COL4A2: variants seen among roughly 807,000 people sequenced by gnomAD.
COL4A2 encodes collagen type IV alpha 2 chain, also known as collagen alpha-2(IV) chain.
Under a neutral mutation model 200.2 loss-of-function variants are expected in COL4A2, and 99 were observed. The observed-to-expected ratio is 0.49, with a 90% confidence interval of 0.42 to 0.58. COL4A2 has a LOEUF of 0.58. Ranked by LOEUF, COL4A2 falls within the 20% of genes least tolerant of loss-of-function variation. COL4A2 has a pLI of 0.00. For synonymous variants in COL4A2, 897 were observed against 900.6 expected (o/e 1.00, Z 0.07); for missense variants, 1,950 against 2,314.1 (o/e 0.84, Z 3.23).
In COL4A2 at chr13:110,446,843, C is replaced by T; in HGVS notation, c.1057C>T (p.Pro353Ser). ...PGPPGLPAYS[P>S]HPSLAKGARG... is the part of the protein sequence containing the mutation. ...GCCCCCTGGACTACCTGCCTACTCC[C>T]CTCACCCTTCCCTAGCAAAAGGTGT... The change falls in exon 18 of 48, where the codon CCT becomes TCT. Residue 353 changes from proline to serine, a missense_variant. Around this residue, in one of 2 missense-constraint regions of COL4A2, gnomAD observed 565 missense variants for 593.5 expected, o/e 0.95. Coordinates refer to ENST00000360467, the MANE Select transcript of COL4A2 (RefSeq NM_001846.4). 6.2e-7 allele frequency: 1 copy of T among 1,612,372 alleles called. No homozygotes were observed. Among genetic ancestry groups the T allele is most frequent in the South Asian group, 1.1e-5 (1 of 91,014 alleles).
At chr13:110,466,894 A>T in intron 26 of COL4A2, 146 bp from the exon 27 acceptor site, 1 of 994,616 alleles carries the variant, frequency 1.0e-6, no homozygotes. Flanking sequence ...CATCAGAACC[A>T]AGATGAATTA....
At position 110,357,530 on chromosome 13, in the gene COL4A2, G is replaced by A. The variant is rs1189244987; in HGVS notation, c.158G>A (p.Cys53Tyr). The A allele has an allele frequency of 1.3e-6, 2 of 1,588,564 alleles. No homozygotes were observed. The highest frequency in any genetic ancestry group is 3.4e-5 in the Admixed American group (2 of 58,012). Residue 53 changes from cysteine (C) to tyrosine (Y), a missense_variant, in exon 4 of 48, where the codon TGC becomes TAC. Cys to Tyr is a radical substitution (Grantham distance 194). Around this residue, in one of 2 missense-constraint regions of COL4A2, gnomAD observed 565 missense variants for 593.5 expected, o/e 0.95. Transcript: ENST00000360467. ...GGRDCSGGCQCYPEKGGRGQP... is the reference protein window; with the variant it reads ...GGRDCSGGCQYYPEKGGRGQP... ...AGAGATTGCAGTGGGGGCTGCCAGT[G>A]CTACCCTGAGAAAGGTGGACGTGTA...
chr13:110,338,371 C>T (rs1359204020), intron 3 of COL4A2, among the ~76,000 whole-genome samples: 1 of 144,356 alleles, frequency 6.9e-6, no homozygotes, highest in Non-Finnish European at 1.5e-5. Context: ...GAGAGAGGCA[C>T]AGTTACTGAG....
Position 110,380,046 on chromosome 13 carries a change from C to G in COL4A2, c.180+22494C>G, listed in dbSNP as rs142277797. Reference sequence around the variant, plus strand: ...GCCTGTGTTGCCAGCTAGTCCTGTTCTGAGAGGATCTGCTCCACTCAAACC... The same window carrying G: ...GCCTGTGTTGCCAGCTAGTCCTGTTGTGAGAGGATCTGCTCCACTCAAACC... On this transcript the variant is annotated intron_variant, in intron 4 of 47. Transcript: ENST00000360467. Among the ~76,000 whole-genome samples, 40 of 152,336 alleles carry G rather than the reference C, an allele frequency of 2.6e-4. No homozygotes were observed. The East Asian group carries it at 7.3e-3, about 28-fold the overall frequency.
chr13:110,383,606 CTTTTTTTTTT>C (rs67906394), intron 4 of COL4A2, among the ~76,000 whole-genome samples: 19 of 65,348 alleles, frequency 2.9e-4, no homozygotes, highest in Middle Eastern at 0.013. Context: ...CAGCCCTTTT[CTTTTTTTTTT>C]TTTTTTTTTT....
At chr13:110,356,157 G>T (rs1877256104) in intron 3 of COL4A2, among the ~76,000 whole-genome samples, 1 of 152,018 alleles carries the variant, frequency 6.6e-6, no homozygotes, top group Non-Finnish European at 1.5e-5. Flanking sequence ...ACACCTTTTT[G>T]CCCCATCGGG....
At chr13:110,331,773 T>C (rs1349066873) in intron 3 of COL4A2, among the ~76,000 whole-genome samples, 2 of 152,196 alleles carry the variant, frequency 1.3e-5, no homozygotes, top group Non-Finnish European at 2.9e-5. Flanking sequence ...CAAGCACTTT[T>C]GTATAGATCT....
intron 3 of COL4A2, among the ~76,000 whole-genome samples, chr13:110,349,698 T>C (rs528846323): frequency 6.6e-6 from 1 of 152,306 alleles, no homozygotes; most frequent in African/African-American, 2.4e-5. Context: ...GAATCTAGAT[T>C]GTGCATCTGG....
At chr13:110,407,094 A>G (rs1323630506) in intron 4 of COL4A2, among the ~76,000 whole-genome samples, 1 of 152,180 alleles carries the variant, frequency 6.6e-6, no homozygotes, top group Admixed American at 6.5e-5. Context: ...TCTGTGATAT[A>G]AACCCGGTGG....
At chr13:110,343,511 C>T (rs545580242) in intron 3 of COL4A2, among the ~76,000 whole-genome samples, 2 of 152,238 alleles carry the variant, frequency 1.3e-5, no homozygotes, top group Non-Finnish European at 2.9e-5. Flanking sequence ...GGAGAAAGGG[C>T]GGGGCAGAAA....
chr13:110,322,465 C>T (rs1885300149), intron 3 of COL4A2, among the ~76,000 whole-genome samples: 1 of 152,208 alleles, frequency 6.6e-6, no homozygotes, highest in Admixed American at 6.5e-5. Flanking sequence ...TCTCCTGGAG[C>T]AGTTCCTGAA....
rs564456683 is a variant in COL4A2 at position 110,348,253 on chromosome 13, A to G, written c.100-9219A>G. Among the ~76,000 whole-genome samples, 12 of 152,352 alleles carry G rather than the reference A, an allele frequency of 7.9e-5. No individual in the cohort carries two copies. The South Asian group carries it at 2.5e-3, about 32-fold the overall frequency. On this transcript the variant is annotated intron_variant, in intron 3 of 47. Coordinates refer to ENST00000360467, the MANE Select transcript of COL4A2 (RefSeq NM_001846.4). The stretch of plus-strand genomic sequence containing the variant: ...GGGGGAGCGCCCCTGTCCTTCAGGC[A>G]TTTCACCATCTTGAGCTGGTGACTA...
chr13:110,416,472 G>T (rs1441251253), intron 4 of COL4A2, among the ~76,000 whole-genome samples: 3 of 152,244 alleles, frequency 2.0e-5, no homozygotes, highest in Non-Finnish European at 4.4e-5. Context: ...AAGCACAGAG[G>T]TAATAAAAGG....
At chr13:110,415,566 G>C (rs1339227295) in intron 4 of COL4A2, among the ~76,000 whole-genome samples, 1 of 152,210 alleles carries the variant, frequency 6.6e-6, no homozygotes, top group African/African-American at 2.4e-5. Flanking sequence ...CCAATGTGGT[G>C]TGTGTTTGTA....
At chr13:110,430,356 G>A (rs1446610835) in intron 8 of COL4A2, 45 bp from the exon 9 acceptor site, 1 of 1,598,594 alleles carries the variant, frequency 6.3e-7, no homozygotes, top group East Asian at 2.2e-5. Context: ...TAAATCTAAA[G>A]ATGGTTAAAA....
chr13:110,418,096 A>ACC (rs1880113999), intron 4 of COL4A2, among the ~76,000 whole-genome samples: 1 of 152,112 alleles, frequency 6.6e-6, no homozygotes, highest in East Asian at 1.9e-4. Context: ...CATCACAGTT[A>ACC]TATCTCTCTG....
chr13:110,424,930 A>G (rs778943484), intron 5 of COL4A2, 23 bp from the exon 6 acceptor site: 2 of 1,614,180 alleles, frequency 1.2e-6, no homozygotes, highest in East Asian at 4.5e-5. Context: ...AGCCTTGGTT[A>G]ATTGCATTTG....
intron 16 of COL4A2, among the ~76,000 whole-genome samples, chr13:110,442,417 C>T (rs1210199874): frequency 2.0e-5 from 3 of 152,224 alleles, no homozygotes; most frequent in Non-Finnish European, 4.4e-5. Context: ...CAGCTATGTC[C>T]GCCCTCTGCC....
intron 3 of COL4A2, among the ~76,000 whole-genome samples, chr13:110,311,540 C>G (rs1192700403): frequency 2.0e-5 from 3 of 152,134 alleles, no homozygotes; most frequent in Non-Finnish European, 4.4e-5. Context: ...CTCATCCCAC[C>G]CACCTCATAG....
Sources: allele counts gnomAD v4.1 joint callset (sites outside exome capture counted in the v4.1 genomes callset), GRCh38; gene constraint gnomAD v4.1.1; regional missense constraint gnomAD v4.1.1; transcripts MANE v1.5; gene names NCBI Gene and HGNC (gene_info 2026-07-23, HGNC 2026-07-21).